The following FHIP2A variants were observed in gnomAD, a reference collection of about 807,000 sequenced individuals.
FHIP2A encodes the protein FHF complex subunit HOOK interacting protein 2A.
In FHIP2A, 46 loss-of-function variants were observed where a neutral mutation model predicts 93.5. That is an observed-to-expected ratio of 0.49 (90% confidence interval 0.39 to 0.63). The LOEUF (loss-of-function observed/expected upper bound fraction) is 0.63, where lower values mean the gene tolerates loss of function less well. Ranked by LOEUF, FHIP2A falls within the 20% of genes least tolerant of loss-of-function variation. FHIP2A has a pLI of 0.00. For missense variants in FHIP2A, 769 were observed against 909.7 expected, an observed-to-expected ratio of 0.85 and a Z score of 1.99; for synonymous variants, 332 against 326.5, an observed-to-expected ratio of 1.02 and a Z score of -0.18.
At chr10:114,839,101 A>C (rs187028062) in intron 5 of FHIP2A, among the ~76,000 whole-genome samples, 2 of 152,136 alleles carry the variant, frequency 1.3e-5, no homozygotes, top group East Asian at 3.9e-4. Flanking sequence ...AAATGAATGA[A>C]TCTTTAGGGA....
At chr10:114,830,710 C>T (rs529108646) in intron 1 of FHIP2A, 142 bp from the exon 2 acceptor site, 158 of 464,550 alleles carry the variant, frequency 3.4e-4, no homozygotes, top group Admixed American at 3.4e-4. Context: ...TTTTGTTTCT[C>T]TTTAATATCT....
chr10:114,874,537 T>C (rs1388620400), intron 16 of FHIP2A, among the ~76,000 whole-genome samples: 3 of 152,214 alleles, frequency 2.0e-5, no homozygotes, highest in African/African-American at 4.8e-5. Flanking sequence ...AGTTTCGCTG[T>C]TGTTGCCCAA....
intron 13 of FHIP2A, among the ~76,000 whole-genome samples, chr10:114,853,564 T>C (rs1032157944): frequency 6.6e-6 from 1 of 152,262 alleles, no homozygotes; most frequent in Non-Finnish European, 1.5e-5. Flanking sequence ...AAACTGCTTT[T>C]ATTCTTTCTG....
chr10:114,865,019 G>A (rs1480273001), downstream of FHIP2A, among the ~76,000 whole-genome samples: 3 of 151,140 alleles, frequency 2.0e-5, no homozygotes, highest in East Asian at 3.9e-4. Flanking sequence ...GCAGAGTCTC[G>A]CTCTGTTCCC....
chr10:114,859,595 G>C (rs1414010268), intron 14 of FHIP2A, among the ~76,000 whole-genome samples: 2 of 152,184 alleles, frequency 1.3e-5, no homozygotes, highest in Non-Finnish European at 2.9e-5. Flanking sequence ...TGGCTGCTTA[G>C]AAGAAGCAAA....
rs963737832 is a variant in FHIP2A at position 114,890,826 on chromosome 10, A to ATAT, written c.2193-8662_2193-8660dup. Among the ~76,000 whole-genome samples the ATAT allele has an allele frequency of 4.3e-4, 65 of 150,176 alleles. 1 individual carries two copies. Among genetic ancestry groups the ATAT allele is most frequent in the African/African-American group, 1.5e-3 (62 of 40,998 alleles). On this transcript the variant is annotated intron_variant, in intron 16 of 16. Coordinates refer to the FHIP2A transcript ENST00000369250. ...TCAGGAAAATATGAACACTGACTAG[A>ATAT]TATTTAATAATATTAAATAATTATT...
chr10:114,826,679 G>A (rs1213175566), intron 1 of FHIP2A, among the ~76,000 whole-genome samples: 2 of 152,102 alleles, frequency 1.3e-5, no homozygotes, highest in Non-Finnish European at 2.9e-5. Flanking sequence ...AAAGCCAGGG[G>A]CAGAAAGAAG....
In FHIP2A at chr10:114,863,409, A is replaced by G. The variant is rs1364782068; in HGVS notation, c.*1869A>G. Reference sequence around the variant, plus strand: ...GCTCAATAGGTGTAGTAGCAATGATATTACCTCTGAAACCAAATACTCTTT... The same window carrying G: ...GCTCAATAGGTGTAGTAGCAATGATGTTACCTCTGAAACCAAATACTCTTT... On this transcript the variant is annotated 3_prime_UTR_variant, in exon 17 of 17. Transcript: ENST00000369248. 8 of 1,054,126 alleles carry G rather than the reference A, an allele frequency of 7.6e-6. No individual in the cohort carries two copies. The highest frequency in any genetic ancestry group is 8.0e-6 in the Non-Finnish European group (7 of 870,358). The allele number at this position is 1,054,126 out of a possible 1,614,324, so 65.3% of individuals were successfully genotyped here.
intron 14 of FHIP2A, among the ~76,000 whole-genome samples, chr10:114,856,268 A>C (rs1320756659): frequency 6.6e-6 from 1 of 152,204 alleles, no homozygotes; most frequent in Admixed American, 6.5e-5. Flanking sequence ...TTCTGACGGT[A>C]ATCTCTATAA....
At chr10:114,876,760 T>G (rs1026853516) in intron 16 of FHIP2A, among the ~76,000 whole-genome samples, 1 of 152,114 alleles carries the variant, frequency 6.6e-6, no homozygotes, top group Non-Finnish European at 1.5e-5. Context: ...CACGGCCCCC[T>G]GGTCCTGTCT....
At chr10:114,881,004 A>C (rs2083914202) in intron 16 of FHIP2A, among the ~76,000 whole-genome samples, 1 of 152,230 alleles carries the variant, frequency 6.6e-6, no homozygotes, top group Admixed American at 6.5e-5. Context: ...TTTCCAGTAT[A>C]AACATAACAG....
intron 16 of FHIP2A, among the ~76,000 whole-genome samples, chr10:114,890,674 G>A (rs11196966): frequency 0.26 from 37,622 of 145,344 alleles, 5,395 homozygotes; most frequent in Middle Eastern, 0.39. Context: ...AATATATACC[G>A]TATATGACAT....
intron 13 of FHIP2A, 32 bp from the exon 14 acceptor site, chr10:114,855,165 C>T (rs774023372): frequency 1.3e-6 from 2 of 1,580,418 alleles, no homozygotes; most frequent in South Asian, 1.2e-5. Context: ...TGTTTTTGTT[C>T]TTTAATGATT....
intron 16 of FHIP2A, among the ~76,000 whole-genome samples, chr10:114,875,211 G>A (rs534332251): frequency 6.6e-6 from 1 of 152,300 alleles, no homozygotes; most frequent in South Asian, 2.1e-4. Flanking sequence ...TGCTGCGGAA[G>A]GACTGCTGTG....
In FHIP2A at chr10:114,877,179, C is replaced by G. The variant is rs138123133; in HGVS notation, c.2192+15845C>G. Among the ~76,000 whole-genome samples the G allele has an allele frequency of 2.0e-5, 3 of 152,222 alleles. No homozygotes were observed. In the East Asian group the frequency reaches 5.8e-4, roughly 30 times the overall value. On this transcript the variant is annotated intron_variant, in intron 16 of 16. Coordinates refer to the FHIP2A transcript ENST00000369250. ...CAGAGCACCCCTGTTCTTAGAGGAA[C>G]AATCAATGGGAAGCAAAGGTGTACC...
chr10:114,862,633 A>G lies in FHIP2A; in HGVS notation c.*1093A>G, dbSNP rs1032554975. 5 of 985,678 alleles carry G rather than the reference A, an allele frequency of 5.1e-6. No homozygotes were observed. The African/African-American group carries it at 5.2e-5, about 10-fold the overall frequency. The allele number at this position is 985,678 out of a possible 1,614,324, so 61.1% of individuals were successfully genotyped here. A position where few individuals can be genotyped will look rare whatever the true frequency, so the allele number is the denominator to read the frequency against. ...TGGGTATGTATGTGAATGGGTGTAC[A>G]TGTAGGAACCTGTAGTTCAGCAAAG... is the stretch of plus-strand genomic sequence containing the variant. On this transcript the variant is annotated 3_prime_UTR_variant, in exon 17 of 17. Transcript: ENST00000369248.
rs924927131 is a variant in FHIP2A at position 114,862,127 on chromosome 10, CAATTT to C, written c.*591_*595del. 1.3e-4 allele frequency: 116 copies of C among 912,868 alleles called. No homozygotes were observed. In the African/African-American group the frequency reaches 2.0e-3, roughly 16 times the overall value. The allele number at this position is 912,868 out of a possible 1,614,324, so 56.5% of individuals were successfully genotyped here. On this transcript the variant is annotated 3_prime_UTR_variant, in exon 17 of 17. Coordinates refer to ENST00000369248, the MANE Select transcript of FHIP2A (RefSeq NM_020940.4). Reference sequence around the variant, plus strand: ...CTTTCTTCAGCTTTTTTAAGAATAACAATTTAATATGATAAATTCTTGATTAATAT... The same window carrying C: ...CTTTCTTCAGCTTTTTTAAGAATAACAATATGATAAATTCTTGATTAATAT...
At chr10:114,891,535 ATATGTGTGTGTG>A (rs1385920971) in intron 16 of FHIP2A, among the ~76,000 whole-genome samples, 10 of 126,492 alleles carry the variant, frequency 7.9e-5, no homozygotes, top group African/African-American at 3.1e-4. Flanking sequence ...ATATATATAT[ATATGTGTGTGTG>A]TGTGTGTGTG....
At chr10:114,860,657 C>A in intron 14 of FHIP2A, 92 bp from the exon 15 acceptor site, 1 of 1,113,850 alleles carries the variant, frequency 9.0e-7, no homozygotes, top group Non-Finnish European at 1.3e-6. Context: ...TGGCCAGATT[C>A]TCCTTTCTTA....
Sources: gnomAD v4.1 joint callset for allele counts (sites outside exome capture counted in the v4.1 genomes callset) on GRCh38, gnomAD v4.1.1 for gene constraint, MANE v1.5 for transcripts, NCBI Gene and HGNC (gene_info 2026-07-23, HGNC 2026-07-21) for gene names.